Variants in ZMAT4 observed in about 807,000 individuals in gnomAD.
The protein encoded by ZMAT4 is zinc finger matrin-type 4.
ZMAT4 carries 17 observed loss-of-function variants against 28.7 expected under a neutral mutation model. The observed-to-expected ratio is 0.59, with a 90% confidence interval of 0.41 to 0.89. The LOEUF (loss-of-function observed/expected upper bound fraction) is 0.89. Ranked by LOEUF, ZMAT4 falls within the 40% of genes least tolerant of loss-of-function variation. ZMAT4 has a pLI of 0.00. For synonymous variants in ZMAT4, 117 were observed against 109.2 expected (o/e 1.07, Z -0.44); for missense variants, 240 against 283.8 (o/e 0.85, Z 1.11).
intron 1 of ZMAT4, among the ~76,000 whole-genome samples, chr8:40,865,273 G>A (rs563357399): frequency 1.4e-4 from 22 of 152,276 alleles, no homozygotes; most frequent in African/African-American, 5.1e-4. Context: ...CAAAAAGGAA[G>A]ACATGAAAGC....
chr8:40,698,553 C>T (rs938639785), intron 3 of ZMAT4, among the ~76,000 whole-genome samples: 2 of 152,120 alleles, frequency 1.3e-5, no homozygotes, highest in Non-Finnish European at 2.9e-5. Context: ...TCCTAGTGAG[C>T]CCAGACAGTA....
chr8:40,802,778 AAAG>A (rs1814908617), intron 2 of ZMAT4, among the ~76,000 whole-genome samples: 2 of 152,344 alleles, frequency 1.3e-5, no homozygotes, highest in African/African-American at 2.4e-5. Flanking sequence ...TAATATTGAA[AAAG>A]AAGAACAGTC....
At chr8:40,841,565 A>G (rs1191040593) in intron 1 of ZMAT4, among the ~76,000 whole-genome samples, 1 of 151,842 alleles carries the variant, frequency 6.6e-6, no homozygotes, top group Non-Finnish European at 1.5e-5. Flanking sequence ...CTCCCTGTGC[A>G]CCCCCATAGG....
intron 3 of ZMAT4, among the ~76,000 whole-genome samples, chr8:40,765,342 G>A (rs1398927926): frequency 6.6e-6 from 1 of 152,174 alleles, no homozygotes; most frequent in Non-Finnish European, 1.5e-5. Context: ...CTTCCACGCT[G>A]TGTCCAATAG....
intron 5 of ZMAT4, among the ~76,000 whole-genome samples, chr8:40,664,374 G>A (rs907006161): frequency 6.6e-6 from 1 of 152,168 alleles, no homozygotes; most frequent in African/African-American, 2.4e-5. Flanking sequence ...CTTTTTAAAT[G>A]TACACACTGC....
chr8:40,871,368 A>C (rs563396646), intron 1 of ZMAT4, among the ~76,000 whole-genome samples: 3 of 151,824 alleles, frequency 2.0e-5, no homozygotes, highest in Admixed American at 2.0e-4. Context: ...TTTCCTCCCT[A>C]CTCCATCCCT....
intron 2 of ZMAT4, among the ~76,000 whole-genome samples, chr8:40,803,040 A>T (rs1230770165): frequency 6.6e-6 from 1 of 152,190 alleles, no homozygotes; most frequent in Non-Finnish European, 1.5e-5. Context: ...ATGAATCTAG[A>T]CATAGACCTT....
intron 5 of ZMAT4, among the ~76,000 whole-genome samples, chr8:40,590,024 C>T (rs1254884701): frequency 8.4e-6 from 1 of 119,074 alleles, no homozygotes; most frequent in Non-Finnish European, 1.7e-5. Context: ...TTCCTTCCTT[C>T]CCTCCCTTCC....
At chr8:40,622,042 TTAATAG>T (rs1806220533) in intron 5 of ZMAT4, among the ~76,000 whole-genome samples, 1 of 152,212 alleles carries the variant, frequency 6.6e-6, no homozygotes, top group African/African-American at 2.4e-5. Context: ...TATTATATGC[TTAATAG>T]TAATAGTCAA....
intron 2 of ZMAT4, among the ~76,000 whole-genome samples, chr8:40,825,324 A>G (rs572061697): frequency 6.6e-6 from 1 of 152,128 alleles, no homozygotes; most frequent in African/African-American, 2.4e-5. Flanking sequence ...CAGAGTCTCC[A>G]GGGGCTGAGA....
chr8:40,875,684 G>A (rs1818018257), intron 1 of ZMAT4, among the ~76,000 whole-genome samples: 1 of 152,134 alleles, frequency 6.6e-6, no homozygotes, highest in Non-Finnish European at 1.5e-5. Context: ...AGCCCAGGAT[G>A]GAAGCTGAAA....
rs148458294 is a variant in ZMAT4, at chr8:40,555,628, T to C, written c.675-23390A>G. Reference sequence around the variant, plus strand: ...TCAATGTCACACAGCTAATGAGTTGTAGTGGCAACACATAACTACAATGTC... The same window carrying C: ...TCAATGTCACACAGCTAATGAGTTGCAGTGGCAACACATAACTACAATGTC... On this transcript the variant is annotated intron_variant, in intron 6 of 6. Transcript: ENST00000297737. Among the ~76,000 whole-genome samples, 16 of 152,286 alleles carry C rather than the reference T, an allele frequency of 1.1e-4. No individual in the cohort carries two copies. In the East Asian group the frequency reaches 2.7e-3, roughly 26 times the overall value.
At chr8:40,876,154 C>T (rs911362037) in intron 1 of ZMAT4, among the ~76,000 whole-genome samples, 9 of 152,054 alleles carry the variant, frequency 5.9e-5, no homozygotes, top group African/African-American at 1.2e-4. Context: ...TGCAATGACC[C>T]GCTTATTTTC....
At chr8:40,590,247 T>G (rs2342624) in intron 5 of ZMAT4, among the ~76,000 whole-genome samples, 34,011 of 150,964 alleles carry the variant, frequency 0.23, 4,449 homozygotes, top group Non-Finnish European at 0.3. Flanking sequence ...GTCCAGGCAG[T>G]TCTCAAACTC....
At chr8:40,825,337 C>G (rs1167436641) in intron 2 of ZMAT4, among the ~76,000 whole-genome samples, 1 of 152,040 alleles carries the variant, frequency 6.6e-6, no homozygotes, top group African/African-American at 2.4e-5. Flanking sequence ...GGCTGAGATA[C>G]AAATTTTAAA....
chr8:40,581,105 A>T, intron 6 of ZMAT4, 60 bp downstream of exon 6: 3 of 1,348,866 alleles, frequency 2.2e-6, no homozygotes, highest in Non-Finnish European at 3.2e-6. Flanking sequence ...TTGAGCCTTT[A>T]GTCATCTTAC....
At chr8:40,620,654 T>C (rs1806164105) in intron 5 of ZMAT4, among the ~76,000 whole-genome samples, 1 of 152,242 alleles carries the variant, frequency 6.6e-6, no homozygotes, top group Non-Finnish European at 1.5e-5. Flanking sequence ...CATCACTTGT[T>C]TTACAAATGT....
intron 2 of ZMAT4, among the ~76,000 whole-genome samples, chr8:40,778,933 C>T (rs970463523): frequency 6.6e-6 from 1 of 152,096 alleles, no homozygotes; most frequent in South Asian, 2.1e-4. Context: ...GTAATGCATC[C>T]TCAACTCAAC....
intron 5 of ZMAT4, among the ~76,000 whole-genome samples, chr8:40,665,099 AG>A (rs1357747887): frequency 9.2e-5 from 14 of 152,126 alleles, no homozygotes; most frequent in African/African-American, 3.4e-4. Flanking sequence ...CCAACTACTC[AG>A]GAGTCTGAGG....
Sources: gnomAD v4.1 joint callset for allele counts (sites outside exome capture counted in the v4.1 genomes callset) on GRCh38, gnomAD v4.1.1 for gene constraint, MANE v1.5 for transcripts, NCBI Gene and HGNC (gene_info 2026-07-23, HGNC 2026-07-21) for gene names.